Variants in PTPRT observed in about 807,000 individuals in gnomAD.
PTPRT encodes the protein receptor-type tyrosine-protein phosphatase T.
In PTPRT, 56 loss-of-function variants were observed where a neutral mutation model predicts 176.8. That is an observed-to-expected ratio of 0.32 (90% CI 0.26 to 0.40). The LOEUF (loss-of-function observed/expected upper bound fraction) is 0.40. PTPRT is among the 10% of genes least tolerant of loss of function. The pLI is 1.00. For missense variants in PTPRT, 1,540 were observed against 1,908.2 expected (o/e 0.81, Z 3.60); for synonymous variants, 783 against 739.0 (o/e 1.06, Z -0.96).
chr20:43,146,912 CT>C (rs1363450169), intron 1 of PTPRT, among the ~76,000 whole-genome samples: 1 of 152,106 alleles, frequency 6.6e-6, no homozygotes, highest in South Asian at 2.1e-4. Flanking sequence ...CCTAAGTCCC[CT>C]AAAAGGAAGA....
At chr20:43,057,231 G>T (rs371813676) in intron 1 of PTPRT, among the ~76,000 whole-genome samples, 4 of 125,824 alleles carry the variant, frequency 3.2e-5, no homozygotes, top group African/African-American at 1.2e-4. Context: ...CACACATGAT[G>T]AAAGTTCATG....
chr20:43,189,702 A>G lies in PTPRT; in HGVS notation c.32T>C (p.Leu11Pro). Residue 11 changes from leucine to proline, a missense_variant, in exon 1 of 31, where the codon CTG becomes CCG. By Grantham distance (98) the Leu-to-Pro change is moderately conservative (BLOSUM62 -3). Around this residue, in one of 11 missense-constraint regions of PTPRT, gnomAD observed 116 missense variants for 118.5 expected, o/e 0.98. Transcript: ENST00000373187. The surrounding 1 kb of genome is among the most constrained non-coding windows in gnomAD (Gnocchi z 5.0). Reference protein sequence around the residue: MASLAALALSLLLRLQLPPLP... With the variant: MASLAALALSPLLRLQLPPLP... Reference sequence around the variant, plus strand: ...TGGCGGCAGCTGCAGCCTCAGGAGCAGGCTGAGGGCGAGCGCGGCGAGGCT... The same window carrying G: ...TGGCGGCAGCTGCAGCCTCAGGAGCGGGCTGAGGGCGAGCGCGGCGAGGCT... 7.7e-7 allele frequency: 1 copy of G among 1,292,146 alleles called. No homozygotes were observed. The allele number at this position is 1,292,146 out of a possible 1,614,324, so 80.0% of individuals were successfully genotyped here.
At chr20:42,060,065 C>T in the PTPRT span, among the ~76,000 whole-genome samples, 1 of 152,148 alleles carries the variant, frequency 6.6e-6, no homozygotes, top group Non-Finnish European at 1.5e-5. Context: ...TCTTGTTTGG[C>T]TTGGCACTTT....
chr20:42,175,397 T>C (rs1050741488), intron 16 of PTPRT, among the ~76,000 whole-genome samples: 3 of 152,126 alleles, frequency 2.0e-5, no homozygotes, highest in Admixed American at 6.5e-5. Context: ...TTTATAACTT[T>C]TCCCCCAAAC....
intron 15 of PTPRT, among the ~76,000 whole-genome samples, chr20:42,208,482 G>A (rs2055531572): frequency 6.6e-6 from 1 of 151,988 alleles, no homozygotes. Context: ...AAAAAAGGCA[G>A]GGGTTGCAAT....
At chr20:42,847,229 G>T (rs1394165904) in intron 2 of PTPRT, among the ~76,000 whole-genome samples, 1 of 152,172 alleles carries the variant, frequency 6.6e-6, no homozygotes, top group Non-Finnish European at 1.5e-5. Context: ...AGGGGAGGAA[G>T]TCGTTAACAG....
At chr20:43,186,758 C>G (rs1399868068) in intron 1 of PTPRT, among the ~76,000 whole-genome samples, 3 of 152,218 alleles carry the variant, frequency 2.0e-5, no homozygotes, top group Admixed American at 6.5e-5. Context: ...ACAAATCAAG[C>G]AATCCATGAC....
At chr20:42,729,896 C>T (rs1339733612) in intron 6 of PTPRT, among the ~76,000 whole-genome samples, 1 of 152,142 alleles carries the variant, frequency 6.6e-6, no homozygotes, top group Non-Finnish European at 1.5e-5. Flanking sequence ...CTGGACTTCC[C>T]TTGGCCAGGC....
chr20:42,312,950 G>A (rs957887002), intron 12 of PTPRT, among the ~76,000 whole-genome samples: 14 of 141,892 alleles, frequency 9.9e-5, no homozygotes, highest in Non-Finnish European at 9.4e-5. Flanking sequence ...AAATGAGGCT[G>A]AGACCTACTG....
At chr20:42,392,385 C>T (rs2058808222) in intron 9 of PTPRT, among the ~76,000 whole-genome samples, 1 of 152,116 alleles carries the variant, frequency 6.6e-6, no homozygotes, top group Non-Finnish European at 1.5e-5. Flanking sequence ...CTGACATTTT[C>T]CTCTACTGAA....
At chr20:42,759,402 A>G (rs2076883007) in intron 5 of PTPRT, among the ~76,000 whole-genome samples, 1 of 152,220 alleles carries the variant, frequency 6.6e-6, no homozygotes, top group Admixed American at 6.5e-5. Context: ...GTGGTGGCTC[A>G]CGCCTGTAAT....
intron 7 of PTPRT, among the ~76,000 whole-genome samples, chr20:42,649,405 G>A (rs1456832511): frequency 6.6e-6 from 1 of 152,060 alleles, no homozygotes; most frequent in Non-Finnish European, 1.5e-5. Context: ...GATGAGATTT[G>A]GGTGGGGACA....
intron 1 of PTPRT, among the ~76,000 whole-genome samples, chr20:42,891,691 C>G (rs117981409): frequency 4.3e-4 from 66 of 152,286 alleles, no homozygotes; most frequent in Non-Finnish European, 7.5e-4. Flanking sequence ...CTCTGCATTT[C>G]TTAGATATGA....
At chr20:42,943,226 C>T (rs909242757) in intron 1 of PTPRT, among the ~76,000 whole-genome samples, 1 of 152,172 alleles carries the variant, frequency 6.6e-6, no homozygotes, top group African/African-American at 2.4e-5. Flanking sequence ...GAAAATGTCA[C>T]AGTGTGGAAG....
chr20:42,830,687 T>G (rs1041847404), intron 2 of PTPRT, among the ~76,000 whole-genome samples: 2 of 151,828 alleles, frequency 1.3e-5, no homozygotes, highest in Non-Finnish European at 2.9e-5. Context: ...TGATTTTATA[T>G]CTATATAAAT....
intron 15 of PTPRT, among the ~76,000 whole-genome samples, chr20:42,229,431 T>C (rs887880466): frequency 3.9e-5 from 6 of 152,264 alleles, no homozygotes; most frequent in African/African-American, 1.4e-4. Context: ...ATGGTTTTCT[T>C]CTATTCCTAT....
At chr20:42,139,008 A>T (rs1056558994) in intron 18 of PTPRT, among the ~76,000 whole-genome samples, 1 of 152,198 alleles carries the variant, frequency 6.6e-6, no homozygotes, top group Non-Finnish European at 1.5e-5. Flanking sequence ...TCTATTTATC[A>T]AGCCTCGGCA....
intron 4 of PTPRT, among the ~76,000 whole-genome samples, chr20:42,775,774 C>A (rs2077126541): frequency 1.3e-5 from 2 of 152,160 alleles, no homozygotes; most frequent in African/African-American, 2.4e-5. Context: ...AGTGGAATCA[C>A]TTATTGATAA....
At chr20:42,381,767 T>A (rs1415296661) in intron 9 of PTPRT, among the ~76,000 whole-genome samples, 1 of 152,196 alleles carries the variant, frequency 6.6e-6, no homozygotes, top group Non-Finnish European at 1.5e-5. Context: ...TCTCTTTGGG[T>A]CTGTTTCCAA....
Sources: allele counts gnomAD v4.1 joint callset (sites outside exome capture counted in the v4.1 genomes callset), GRCh38; gene constraint gnomAD v4.1.1; regional missense constraint gnomAD v4.1.1; non-coding constraint Gnocchi (gnomAD v3.1); transcripts MANE v1.5; gene names NCBI Gene and HGNC (gene_info 2026-07-23, HGNC 2026-07-21).